Variants in EGFR observed in about 807,000 individuals in gnomAD.
The protein encoded by EGFR is avian erythroblastic leukemia viral (v-erb-b) oncogene homolog.
EGFR carries 58 observed loss-of-function variants against 143.0 expected under a neutral mutation model. The ratio of observed to expected loss-of-function variants is 0.41; its 90% CI spans 0.33 to 0.50. The LOEUF (loss-of-function observed/expected upper bound fraction) is 0.50. Among genes scored for constraint, EGFR ranks in the 20% least tolerant of loss-of-function variants. EGFR has a pLI of 0.39. For missense variants in EGFR, 1,307 were observed against 1,579.0 expected, an observed-to-expected ratio of 0.83 and a Z score of 2.92; for synonymous variants, 613 against 594.4, an observed-to-expected ratio of 1.03 and a Z score of -0.45.
chr7:55,191,401 C>G (rs1294425016), intron 20 of EGFR, among the ~76,000 whole-genome samples: 1 of 151,892 alleles, frequency 6.6e-6, no homozygotes, highest in Non-Finnish European at 1.5e-5. Context: ...GCAGGAAGGT[C>G]AGCCTGGCAA....
intron 1 of EGFR, among the ~76,000 whole-genome samples, chr7:55,100,280 T>C (rs1462816879): frequency 6.6e-6 from 1 of 152,248 alleles, no homozygotes; most frequent in Non-Finnish European, 1.5e-5. Flanking sequence ...TGTCAGGCAC[T>C]TCACAAAGGC....
At chr7:55,064,713 G>A (rs1298634695) in intron 1 of EGFR, among the ~76,000 whole-genome samples, 1 of 152,162 alleles carries the variant, frequency 6.6e-6, no homozygotes, top group African/African-American at 2.4e-5. Context: ...TATATAACAA[G>A]ATAAAGGCTT....
At chr7:55,193,522 T>C (rs1787491673) in intron 22 of EGFR, among the ~76,000 whole-genome samples, 1 of 152,190 alleles carries the variant, frequency 6.6e-6, no homozygotes, top group Non-Finnish European at 1.5e-5. Flanking sequence ...AAAGTGTTGC[T>C]GACACATTGT....
chr7:55,186,926 T>C (rs576882407), intron 20 of EGFR, among the ~76,000 whole-genome samples: 1 of 152,292 alleles, frequency 6.6e-6, no homozygotes, highest in South Asian at 2.1e-4. Context: ...TCTGGGAAGA[T>C]AGCAGTGAAC....
At chr7:55,032,750 T>C (rs533229039) in intron 1 of EGFR, among the ~76,000 whole-genome samples, 3 of 152,322 alleles carry the variant, frequency 2.0e-5, no homozygotes, top group Admixed American at 2.0e-4. Flanking sequence ...AACAAATCAG[T>C]GTCCCTTTGT....
At chr7:55,124,263 T>C (rs758024730) in intron 1 of EGFR, among the ~76,000 whole-genome samples, 1 of 152,222 alleles carries the variant, frequency 6.6e-6, no homozygotes, top group Non-Finnish European at 1.5e-5. Context: ...TGTTCCAACA[T>C]GTTTTATTGA....
rs149042124 is a variant in EGFR, at chr7:55,057,361, A to G, written c.88+37996A>G. On this transcript the variant is annotated intron_variant, in intron 1 of 27. Coordinates refer to ENST00000275493, the MANE Select transcript of EGFR (RefSeq NM_005228.5). ...AGAAACGTGGACTTCCCTGACACTG[A>G]GCACCTCTTAATTAAGCATCTCATA... 1.0e-3 allele frequency among the ~76,000 whole-genome samples: 159 copies of G among 152,310 alleles called. 2 individuals carry two copies. In the East Asian group the frequency reaches 0.019, roughly 19 times the overall value.
intron 1 of EGFR, among the ~76,000 whole-genome samples, chr7:55,131,700 A>T (rs1278176985): frequency 1.3e-5 from 2 of 152,144 alleles, no homozygotes; most frequent in Non-Finnish European, 2.9e-5. Context: ...TGCTCCTGTC[A>T]GTACTGAGAG....
intron 1 of EGFR, among the ~76,000 whole-genome samples, chr7:55,057,150 G>A (rs1381122109): frequency 1.3e-5 from 2 of 152,164 alleles, no homozygotes; most frequent in African/African-American, 4.8e-5. Context: ...TCAGACAAAC[G>A]GTCAGAAGCT....
rs1448217250 is a variant in EGFR, at chr7:55,206,763, G to T, written c.*1146G>T. On this transcript the variant is annotated 3_prime_UTR_variant, in exon 28 of 28. Transcript: ENST00000275493. The stretch of plus-strand genomic sequence containing the variant: ...AGTATATGTTCCCTCCAGGTCAGCT[G>T]CCCCCAAACCCCCTCCTTACGCTTT... 1.3e-5 allele frequency: 3 copies of T among 233,098 alleles called. No homozygotes were observed. The highest frequency in any genetic ancestry group is 6.6e-5 in the African/African-American group (3 of 45,266). The allele number at this position is 233,098 out of a possible 1,614,324, so 14.4% of individuals were successfully genotyped here. A position where few individuals can be genotyped will look rare whatever the true frequency, so the allele number is the denominator to read the frequency against.
At position 55,173,096 on chromosome 7, in the gene EGFR, C is replaced by T. The variant is rs138193597; in HGVS notation, c.2033C>T (p.Thr678Met). The change falls in exon 17 of 28, where the codon ACG (threonine) becomes ATG (methionine). Residue 678 changes from threonine (T) to methionine (M), a missense_variant. By Grantham distance (81) the Thr-to-Met change is moderately conservative. Around this residue, in one of 7 missense-constraint regions of EGFR, gnomAD observed 348 missense variants for 451.5 expected, o/e 0.77. Coordinates refer to ENST00000275493, the MANE Select transcript of EGFR (RefSeq NM_005228.5). ...AGGCGCCACATCGTTCGGAAGCGCACGCTGCGGAGGCTGCTGCAGGAGAGG... is the reference window on the plus strand; with the variant it reads ...AGGCGCCACATCGTTCGGAAGCGCATGCTGCGGAGGCTGCTGCAGGAGAGG... ...MRRRHIVRKR[T>M]LRRLLQEREL... The T allele has an allele frequency of 7.4e-6, 12 of 1,612,044 alleles. No homozygotes were observed. Among genetic ancestry groups the T allele is most frequent in the African/African-American group, 5.3e-5 (4 of 74,912 alleles).
intron 1 of EGFR, among the ~76,000 whole-genome samples, chr7:55,078,750 G>T (rs1463786020): frequency 6.6e-6 from 1 of 152,210 alleles, no homozygotes; most frequent in Non-Finnish European, 1.5e-5. Context: ...ACAGAGAGGG[G>T]ACATCCTGAG....
Position 55,202,792 on chromosome 7 carries a change from G to A in EGFR, c.3271+167G>A, listed in dbSNP as rs769429656. The A allele has an allele frequency of 4.1e-6, 3 of 723,984 alleles. No individual in the cohort carries two copies. The East Asian group carries it at 8.0e-5, about 19-fold the overall frequency. The allele number at this position is 723,984 out of a possible 1,614,324, so 44.8% of individuals were successfully genotyped here. On this transcript the variant is annotated intron_variant, in intron 27 of 27. Coordinates refer to ENST00000275493, the MANE Select transcript of EGFR (RefSeq NM_005228.5). ...GGGCGTAAGGAGCAGATAAACACAT[G>A]ACCGAGCCTGCACAAGCTCTTTGTT... is the stretch of plus-strand genomic sequence containing the variant.
At chr7:55,064,152 TA>T (rs1369111326) in intron 1 of EGFR, among the ~76,000 whole-genome samples, 1 of 152,204 alleles carries the variant, frequency 6.6e-6, no homozygotes, top group African/African-American at 2.4e-5. Flanking sequence ...GAATTTTAAT[TA>T]AAAAATACCT....
At position 55,210,890 on chromosome 7, in the gene EGFR, C is replaced by G. The variant is rs768180042; in HGVS notation, c.*5273C>G. ...CTTTATTTCCCACAGTGAAAGAAAA[C>G]GCTGGCCTATCAGTTACATTACAAA... On this transcript the variant is annotated 3_prime_UTR_variant, in exon 28 of 28. Transcript: ENST00000275493. 3.3e-5 allele frequency: 5 copies of G among 152,180 alleles called. No individual in the cohort carries two copies. Among genetic ancestry groups the G allele is most frequent in the African/African-American group, 7.2e-5 (3 of 41,438 alleles). The allele number at this position is 152,180 out of a possible 1,614,324, so 9.4% of individuals were successfully genotyped here. A position where few individuals can be genotyped will look rare whatever the true frequency, so the allele number is the denominator to read the frequency against.
At chr7:55,046,263 C>T (rs184941432) in intron 1 of EGFR, among the ~76,000 whole-genome samples, 4 of 152,210 alleles carry the variant, frequency 2.6e-5, no homozygotes, top group East Asian at 1.9e-4. Flanking sequence ...TTTACTTTTG[C>T]GGCTGTGTTT....
chr7:55,068,851 A>G (rs998511027), intron 1 of EGFR, among the ~76,000 whole-genome samples: 1 of 152,154 alleles, frequency 6.6e-6, no homozygotes, highest in East Asian at 1.9e-4. Context: ...ATCCACACCA[A>G]CTTTAGGAAT....
At chr7:55,180,936 A>G (rs1307508602) in intron 19 of EGFR, 3 of 383,568 alleles carry the variant, frequency 7.8e-6, no homozygotes, top group African/African-American at 6.2e-5. Context: ...AGCATCCTCA[A>G]CCTTGAGGCG....
intron 11 of EGFR, among the ~76,000 whole-genome samples, chr7:55,158,864 T>A (rs916179841): frequency 6.6e-6 from 1 of 152,110 alleles, no homozygotes; most frequent in Non-Finnish European, 1.5e-5. Context: ...CAGGCTCCTA[T>A]GCGAGACCAC....
Sources: allele counts gnomAD v4.1 joint callset (sites outside exome capture counted in the v4.1 genomes callset), GRCh38; gene constraint gnomAD v4.1.1; regional missense constraint gnomAD v4.1.1; transcripts MANE v1.5; gene names NCBI Gene and HGNC (gene_info 2026-07-23, HGNC 2026-07-21).